The following STXBP6 variants were observed in gnomAD, a reference collection of about 807,000 sequenced individuals.
The protein encoded by STXBP6 is syntaxin binding protein 6.
A neutral mutation model predicts 26.9 loss-of-function variants in STXBP6; 21 were observed. That is an observed-to-expected ratio of 0.78 (90% confidence interval 0.55 to 1.12). The LOEUF is 1.12. Among genes scored for constraint, STXBP6 ranks in the 50% most tolerant of loss-of-function variants. The pLI is 0.00. For missense variants in STXBP6, 232 were observed against 257.9 expected (o/e 0.90, Z 0.69); for synonymous variants, 97 against 92.6 (o/e 1.05, Z -0.27).
rs1220990352 is a variant in STXBP6, at chr14:25,049,959, C to A, written c.-114G>T. 1 of 834,678 alleles carries A rather than the reference C, an allele frequency of 1.2e-6. No homozygotes were observed. The highest frequency in any genetic ancestry group is 5.6e-5 in the South Asian group (1 of 17,974). The allele number at this position is 834,678 out of a possible 1,614,324, so 51.7% of individuals were successfully genotyped here. A position where few individuals can be genotyped will look rare whatever the true frequency, so the allele number is the denominator to read the frequency against. ...CGAGGCTCCTCCCCGGGGGGCTGCC[C>A]CGCGCGGGGCTCCGGGCTCCGGACA... On this transcript the variant is annotated 5_prime_UTR_variant, in exon 1 of 6. Coordinates refer to ENST00000323944, the MANE Select transcript of STXBP6 (RefSeq NM_001394410.1). This position sits in a 1 kb window ranked among gnomAD's most constrained non-coding sequence, Gnocchi z 5.6.
At chr14:25,011,964 A>G (rs1487006779) in intron 1 of STXBP6, among the ~76,000 whole-genome samples, 1 of 152,202 alleles carries the variant, frequency 6.6e-6, no homozygotes, top group Non-Finnish European at 1.5e-5. Context: ...GAAAAGCAAC[A>G]TATTCGGAGT....
intron 2 of STXBP6, among the ~76,000 whole-genome samples, chr14:24,863,285 G>T (rs78760761): frequency 0.055 from 8,299 of 152,104 alleles, 312 homozygotes; most frequent in East Asian, 0.19. Context: ...ATGAGGGAAT[G>T]AATTTTTTTT....
At chr14:24,827,647 T>G (rs1594917502) in intron 4 of STXBP6, among the ~76,000 whole-genome samples, 1 of 152,190 alleles carries the variant, frequency 6.6e-6, no homozygotes, top group African/African-American at 2.4e-5. Context: ...CTATGGTACT[T>G]TAAGTTCTAT....
At chr14:25,012,921 T>C (rs2075063405) in intron 1 of STXBP6, among the ~76,000 whole-genome samples, 1 of 152,030 alleles carries the variant, frequency 6.6e-6, no homozygotes, top group African/African-American at 2.4e-5. Flanking sequence ...GAGACAATTT[T>C]AGTTTCAATA....
chr14:24,887,502 G>T (rs1272302307), intron 2 of STXBP6, among the ~76,000 whole-genome samples: 1 of 152,104 alleles, frequency 6.6e-6, no homozygotes, highest in Admixed American at 6.5e-5. Flanking sequence ...AACATTAATG[G>T]AGGCTTCCAT....
chr14:24,825,175 GC>G (rs1334182371), intron 4 of STXBP6, among the ~76,000 whole-genome samples: 2 of 152,156 alleles, frequency 1.3e-5, no homozygotes, highest in African/African-American at 4.8e-5. Flanking sequence ...TACTTATAGG[GC>G]TTTTTTGCCG....
At chr14:24,868,510 C>A (rs1027519487) in intron 2 of STXBP6, among the ~76,000 whole-genome samples, 2 of 152,080 alleles carry the variant, frequency 1.3e-5, no homozygotes, top group Non-Finnish European at 2.9e-5. Flanking sequence ...GGAAACAACC[C>A]AAATGTCCCT....
intron 4 of STXBP6, among the ~76,000 whole-genome samples, chr14:24,833,965 A>C (rs2068536298): frequency 1.3e-5 from 2 of 152,308 alleles, no homozygotes; most frequent in South Asian, 4.1e-4. Flanking sequence ...CTCTGTTTAA[A>C]TACCACTTTG....
chr14:24,918,300 A>G (rs2071843012), intron 2 of STXBP6, among the ~76,000 whole-genome samples: 1 of 152,024 alleles, frequency 6.6e-6, no homozygotes, highest in Admixed American at 6.6e-5. Flanking sequence ...GTCTTAAAAG[A>G]AACAAGTAGA....
rs533240031 is a variant in STXBP6 at position 25,027,041 on chromosome 14, CG to C, written c.-33+22836del. 3.9e-5 allele frequency among the ~76,000 whole-genome samples: 6 copies of C among 152,090 alleles called. 1 individual carries two copies. The South Asian group carries it at 1.0e-3, about 26-fold the overall frequency. On this transcript the variant is annotated intron_variant, in intron 1 of 5. Transcript: ENST00000323944. ...AGATTTCTAAATGGCTTCCCAATTG[CG>C]GGGACAGAAATGTACACATACAAAC...
At chr14:24,888,983 C>G (rs1029081881) in intron 2 of STXBP6, among the ~76,000 whole-genome samples, 1 of 152,010 alleles carries the variant, frequency 6.6e-6, no homozygotes, top group Non-Finnish European at 1.5e-5. Context: ...CCAGACCATA[C>G]TTTTTACAGG....
At chr14:24,892,462 G>A (rs2096613427) in intron 2 of STXBP6, among the ~76,000 whole-genome samples, 1 of 152,112 alleles carries the variant, frequency 6.6e-6, no homozygotes, top group Admixed American at 6.5e-5. Context: ...TTCTTCAAGG[G>A]GGGAAATAAT....
chr14:24,965,827 C>G (rs2073716555), intron 2 of STXBP6, among the ~76,000 whole-genome samples: 2 of 152,158 alleles, frequency 1.3e-5, no homozygotes, highest in Admixed American at 1.3e-4. Context: ...AAAAGCCTCA[C>G]TACCACAGAA....
intron 1 of STXBP6, among the ~76,000 whole-genome samples, chr14:24,978,202 C>T (rs185420775): frequency 3.9e-5 from 6 of 152,336 alleles, no homozygotes; most frequent in East Asian, 3.9e-4. Context: ...TTTTCAAAAA[C>T]GCAGACCCCT....
In STXBP6 at chr14:24,914,884, T is replaced by C. The variant is rs185633267; in HGVS notation, c.155-57727A>G. ...TCTTAGCTTTACAGATTTTGCTCAT[T>C]TTCAGAAAATCATCTTCTTGACTGT... On this transcript the variant is annotated intron_variant, in intron 2 of 5. Coordinates refer to ENST00000323944, the MANE Select transcript of STXBP6 (RefSeq NM_001394410.1). Among the ~76,000 whole-genome samples, 192 of 152,330 alleles carry C rather than the reference T, an allele frequency of 1.3e-3. 1 individual carries two copies. Among genetic ancestry groups the C allele is most frequent in the Non-Finnish European group, 1.4e-3 (95 of 68,026 alleles).
intron 2 of STXBP6, among the ~76,000 whole-genome samples, chr14:24,874,060 C>T (rs987531355): frequency 1.3e-5 from 2 of 152,168 alleles, no homozygotes; most frequent in Non-Finnish European, 2.9e-5. Context: ...TTAGTATTCA[C>T]TGAGCACTCC....
At chr14:24,914,705 T>C (rs1382579224) in intron 2 of STXBP6, among the ~76,000 whole-genome samples, 4 of 152,216 alleles carry the variant, frequency 2.6e-5, no homozygotes, top group Non-Finnish European at 4.4e-5. Flanking sequence ...ACTTCCTTTT[T>C]TTAACTTTTG....
intron 2 of STXBP6, among the ~76,000 whole-genome samples, chr14:24,920,758 T>C (rs2071949987): frequency 6.6e-6 from 1 of 152,010 alleles, no homozygotes; most frequent in Admixed American, 6.6e-5. Context: ...TCACAGTCTC[T>C]TATCTTCCAT....
intron 4 of STXBP6, among the ~76,000 whole-genome samples, chr14:24,839,304 TG>T (rs1214643672): frequency 1.7e-4 from 26 of 152,182 alleles, no homozygotes; most frequent in Admixed American, 1.6e-3. Flanking sequence ...ATCTTTGCTC[TG>T]GGGTTGTAAC....
Sources: allele counts gnomAD v4.1 joint callset (sites outside exome capture counted in the v4.1 genomes callset), GRCh38; gene constraint gnomAD v4.1.1; non-coding constraint Gnocchi (gnomAD v3.1); transcripts MANE v1.5; gene names NCBI Gene and HGNC (gene_info 2026-07-23, HGNC 2026-07-21).